Variants in PLD4 observed in about 807,000 individuals in gnomAD.
The protein encoded by PLD4 is phospholipase D family member 4, also known as 5'-3' exonuclease PLD4.
Under a neutral mutation model 52.3 loss-of-function variants are expected in PLD4, and 54 were observed. That is an observed-to-expected ratio of 1.03 (90% confidence interval 0.83 to 1.30). The LOEUF is 1.30. PLD4 is among the 50% of genes most tolerant of loss of function. The pLI is 0.00. For missense variants in PLD4, 731 were observed against 671.1 expected, an observed-to-expected ratio of 1.09 and a Z score of -0.99; for synonymous variants, 264 against 286.5, an observed-to-expected ratio of 0.92 and a Z score of 0.79.
intron 4 of PLD4, 29 bp from the exon 5 acceptor site, chr14:104,929,278 C>T: frequency 6.3e-7 from 1 of 1,582,382 alleles, no homozygotes; most frequent in Non-Finnish European, 8.6e-7. Flanking sequence ...AGCCTGAGGT[C>T]AGCTCTCATG....
chr14:104,929,005 C>A (rs568614468), intron 4 of PLD4, 73 bp downstream of exon 4: 15 of 1,506,510 alleles, frequency 1.0e-5, no homozygotes, highest in Non-Finnish European at 1.3e-5. Flanking sequence ...TCTATGCAGG[C>A]GTCTCGGGCA....
intron 2 of PLD4, 22 bp from the exon 3 acceptor site, chr14:104,927,651 C>T: frequency 6.5e-7 from 1 of 1,546,184 alleles, no homozygotes; most frequent in Non-Finnish European, 8.7e-7. Context: ...TCTGGTGACC[C>T]TGCGGGTGCT....
rs751745394 is a variant in PLD4 at position 104,927,678 on chromosome 14, G to A, written c.96G>A (p.Gln32=). 1.3e-6 allele frequency: 2 copies of A among 1,590,440 alleles called. No individual in the cohort carries two copies. Among genetic ancestry groups the A allele is most frequent in the Middle Eastern group, 1.9e-4 (1 of 5,140 alleles). Residue 32 remains glutamine, a synonymous_variant, in exon 3 of 11, where the codon CAG becomes CAA. Transcript: ENST00000392593. ...GCGGGTGCTGCCCCATCCAGTTGCA[G>A]GTCCTGGGAGCGCTGGCTGTGCTGT... is the stretch of plus-strand genomic sequence containing the variant. ...RPWDREAGTL[Q]VLGALAVLWL...
intron 7 of PLD4, 127 bp from the exon 8 acceptor site, chr14:104,931,621 A>G: frequency 7.6e-7 from 1 of 1,310,146 alleles, no homozygotes. Context: ...TTCTTTCCTC[A>G]TATTTCCAGG....
At position 104,932,296 on chromosome 14, in the gene PLD4, T is replaced by A; in HGVS notation, c.1262T>A (p.Ile421Asn). Residue 421 changes from isoleucine to asparagine, a missense_variant, in exon 10 of 11, where the codon ATC becomes AAC. Coordinates refer to ENST00000392593, the MANE Select transcript of PLD4 (RefSeq NM_138790.5). The surrounding 1 kb of genome is among the most constrained non-coding windows in gnomAD (Gnocchi z 6.5). ...FIVPVGNHSNIPFSRVNHSKF... is the reference protein window; with the variant it reads ...FIVPVGNHSNNPFSRVNHSKF... ...GTGCCGGTGGGGAACCATTCCAACA[T>A]CCCATTCAGCAGGGTGAACCACAGC... The A allele has an allele frequency of 6.2e-7, 1 of 1,612,618 alleles. No homozygotes were observed. Among genetic ancestry groups the A allele is most frequent in the Non-Finnish European group, 8.5e-7 (1 of 1,179,836 alleles).
At chr14:104,930,490 T>C (rs555453794) in intron 6 of PLD4, 43 of 580,442 alleles carry the variant, frequency 7.4e-5, no homozygotes, top group Non-Finnish European at 1.2e-4. Context: ...GCTTGATGCA[T>C]TTTCTATTGT....
intron 1 of PLD4, among the ~76,000 whole-genome samples, chr14:104,926,429 C>T (rs1897458559): frequency 6.6e-6 from 1 of 152,198 alleles, no homozygotes; most frequent in African/African-American, 2.4e-5. Context: ...GATGGCCTGG[C>T]TCCCAGCTCC....
At position 104,932,305 on chromosome 14, in the gene PLD4, G is replaced by T; in HGVS notation, c.1271G>T (p.Ser424Ile). The change falls in exon 10 of 11, where the codon AGC becomes ATC. Residue 424 changes from serine (S) to isoleucine (I), a missense_variant. By Grantham distance (142) the Ser-to-Ile change is moderately radical. Transcript: ENST00000392593. The surrounding 1 kb of genome is among the most constrained non-coding windows in gnomAD (Gnocchi z 6.5). ...PVGNHSNIPF[S>I]RVNHSKFMVT... ...GGGAACCATTCCAACATCCCATTCA[G>T]CAGGGTGAACCACAGCAAGTTCATG... is the stretch of plus-strand genomic sequence containing the variant. The T allele has an allele frequency of 6.2e-7, 1 of 1,612,726 alleles. No homozygotes were observed. Among genetic ancestry groups the T allele is most frequent in the Non-Finnish European group, 8.5e-7 (1 of 1,179,868 alleles).
intron 1 of PLD4, among the ~76,000 whole-genome samples, chr14:104,925,770 G>A (rs189759376): frequency 5.9e-5 from 9 of 152,188 alleles, no homozygotes; most frequent in Non-Finnish European, 1.3e-4. Flanking sequence ...TCCTCTGTGG[G>A]GTGGGGGGAG....
At position 104,930,037 on chromosome 14, in the gene PLD4, T is replaced by C. The variant is rs779585552; in HGVS notation, c.649T>C (p.Phe217Leu). 3 of 1,613,650 alleles carry C rather than the reference T, an allele frequency of 1.9e-6. No homozygotes were observed. Among genetic ancestry groups the C allele is most frequent in the Non-Finnish European group, 1.7e-6 (2 of 1,179,962 alleles). Residue 217 changes from phenylalanine to leucine, a missense_variant, in exon 6 of 11, where the codon TTC becomes CTC. Transcript: ENST00000392593. ...CACCAGGGGTGTTTTGCACTCCAAA[T>C]TCTGGGTTGTGGATGGACGGCACAT... ...RLTRGVLHSKFWVVDGRHIYM... is the reference protein window; with the variant it reads ...RLTRGVLHSKLWVVDGRHIYM...
In PLD4 at chr14:104,931,844, G is replaced by T. The variant is rs375442580; in HGVS notation, c.1015G>T (p.Val339Leu). The change falls in exon 8 of 11, where the codon GTG (valine) becomes TTG (leucine). Residue 339 changes from valine to leucine, a missense_variant. Val to Leu is a conservative substitution (Grantham distance 32, BLOSUM62 1). Coordinates refer to ENST00000392593, the MANE Select transcript of PLD4 (RefSeq NM_138790.5). ...CGCCCAGGAGTTCATCTATGCCTCC[G>T]TGATGGAGTATTTCCCCACCACGCG... ...GSAQEFIYAS[V>L]MEYFPTTRFS... 1.9e-6 allele frequency: 3 copies of T among 1,561,306 alleles called. No homozygotes were observed. Among genetic ancestry groups the T allele is most frequent in the Non-Finnish European group, 1.7e-6 (2 of 1,151,816 alleles).
At position 104,930,788 on chromosome 14, in the gene PLD4, A is replaced by G. The variant is rs376814909; in HGVS notation, c.764A>G (p.Gln255Arg). The change falls in exon 7 of 11, where the codon CAA (glutamine) becomes CGA (arginine). Residue 255 changes from glutamine (Q) to arginine (R), a missense_variant. Gln to Arg is a conservative substitution (Grantham distance 43). Coordinates refer to ENST00000392593, the MANE Select transcript of PLD4 (RefSeq NM_138790.5). ...AVIYNCSHLA[Q>R]DLEKTFQTYW... is the part of the protein sequence containing the mutation. ...ATCTATAACTGCAGCCACCTGGCCC[A>G]AGACCTGGAGAAGACCTTCCAGACC... 1.9e-6 allele frequency: 3 copies of G among 1,613,446 alleles called. No homozygotes were observed. In the South Asian group the frequency reaches 3.3e-5, roughly 18 times the overall value.
intron 6 of PLD4, 80 bp from the exon 7 acceptor site, chr14:104,930,662 C>T: frequency 6.7e-7 from 1 of 1,491,916 alleles, no homozygotes; most frequent in Non-Finnish European, 9.3e-7. Flanking sequence ...CCTGCCCCAA[C>T]ATCCCTGGCC....
rs375752994 is a variant in PLD4 at position 104,932,193 on chromosome 14, C to T, written c.1224+16C>T. The stretch of plus-strand genomic sequence containing the variant: ...TGTGGACGTGGTGAGGGCGTGCTCC[C>T]GGCCGGGCGTGGGAAAGGCGGCCCT... On this transcript the variant is annotated intron_variant, in intron 9 of 10. Coordinates refer to ENST00000392593, the MANE Select transcript of PLD4 (RefSeq NM_138790.5). The surrounding 1 kb of genome is among the most constrained non-coding windows in gnomAD (Gnocchi z 6.5). 20 of 1,611,678 alleles carry T rather than the reference C, an allele frequency of 1.2e-5. No individual in the cohort carries two copies. In the South Asian group the frequency reaches 1.8e-4, roughly 14 times the overall value.
Position 104,927,724 on chromosome 14 carries a change from A to T in PLD4, c.142A>T (p.Ile48Phe). The T allele has an allele frequency of 6.3e-7, 1 of 1,597,430 alleles. No individual in the cohort carries two copies. Among genetic ancestry groups the T allele is most frequent in the Non-Finnish European group, 8.5e-7 (1 of 1,176,010 alleles). The part of the protein sequence containing the change: ...AVLWLGSVAL[I>F]CLLWQVPRPP... The stretch of plus-strand genomic sequence containing the variant: ...GCTGTGGCTGGGCTCCGTGGCTCTT[A>T]TCTGCCTCCTGTGGCAAGTGCCCCG... Residue 48 changes from isoleucine (I) to phenylalanine (F), a missense_variant, in exon 3 of 11, where the codon ATC becomes TTC. Coordinates refer to ENST00000392593, the MANE Select transcript of PLD4 (RefSeq NM_138790.5).
At chr14:104,926,833 C>A (rs1196695333) in intron 1 of PLD4, among the ~76,000 whole-genome samples, 1 of 152,242 alleles carries the variant, frequency 6.6e-6, no homozygotes, top group Non-Finnish European at 1.5e-5. Flanking sequence ...GCACAGACGC[C>A]CGCCCGCCCC....
At chr14:104,937,151 T>C (rs539360501), downstream of PLD4, 13 of 152,352 alleles carry the variant, frequency 8.5e-5, no homozygotes, top group African/African-American at 1.2e-4. Context: ...ATGTTCCTCA[T>C]TGACTGTTCT....
At position 104,933,169 on chromosome 14, in the gene PLD4, AG is replaced by A; in HGVS notation, c.*206del. 1.7e-6 allele frequency: 1 copy of A among 573,806 alleles called. No homozygotes were observed. Among genetic ancestry groups the A allele is most frequent in the South Asian group, 2.5e-5 (1 of 39,848 alleles). The allele number at this position is 573,806 out of a possible 1,614,324, so 35.5% of individuals were successfully genotyped here. On this transcript the variant is annotated 3_prime_UTR_variant, in exon 11 of 11. Transcript: ENST00000392593. ...CCCCTGAGCCCCACCTCCTCCAGGGAGCCCTCCAGGAAGCCCCTTCCCTGAC... is the reference window on the plus strand; with the variant it reads ...CCCCTGAGCCCCACCTCCTCCAGGGACCCTCCAGGAAGCCCCTTCCCTGAC...
chr14:104,934,418 C>G (rs1897766075), downstream of PLD4: 1 of 152,206 alleles, frequency 6.6e-6, no homozygotes, highest in Non-Finnish European at 1.5e-5. Context: ...TTTGGCAACT[C>G]AGTTCCCACT....
Sources: gnomAD v4.1 joint callset for allele counts (sites outside exome capture counted in the v4.1 genomes callset) on GRCh38, gnomAD v4.1.1 for gene constraint, Gnocchi (gnomAD v3.1) non-coding constraint, MANE v1.5 for transcripts, NCBI Gene and HGNC (gene_info 2026-07-23, HGNC 2026-07-21) for gene names.